The following PDZRN4 variants were observed in gnomAD, a reference collection of about 807,000 sequenced individuals.
PDZRN4 encodes the protein PDZ domain containing ring finger 4.
Under a neutral mutation model 99.0 loss-of-function variants are expected in PDZRN4, and 70 were observed. The ratio of observed to expected loss-of-function variants is 0.71; its 90% CI spans 0.58 to 0.86. PDZRN4 has a LOEUF of 0.86. Ranked by LOEUF, PDZRN4 falls within the 40% of genes least tolerant of loss-of-function variation. The pLI is 0.00. For synonymous variants in PDZRN4, 551 were observed against 501.6 expected, an observed-to-expected ratio of 1.10 and a Z score of -1.32; for missense variants, 1,474 against 1,331.2, an observed-to-expected ratio of 1.11 and a Z score of -1.67.
At chr12:41,443,266 A>C (rs1952696536) in intron 3 of PDZRN4, among the ~76,000 whole-genome samples, 1 of 152,062 alleles carries the variant, frequency 6.6e-6, no homozygotes, top group African/African-American at 2.4e-5. Context: ...GGTGCTGCTC[A>C]GCATGATGGG....
chr12:41,215,945 T>C (rs1950918373), intron 3 of PDZRN4, among the ~76,000 whole-genome samples: 1 of 152,010 alleles, frequency 6.6e-6, no homozygotes, highest in Non-Finnish European at 1.5e-5. Context: ...GAAAGCATTT[T>C]GTAAATCATA....
At chr12:41,554,980 G>A (rs1456533344) in intron 6 of PDZRN4, among the ~76,000 whole-genome samples, 3 of 150,674 alleles carry the variant, frequency 2.0e-5, no homozygotes, top group South Asian at 2.1e-4. Context: ...AGGCCAAGGC[G>A]GGCGGATCAC....
chr12:41,264,096 C>T (rs542183324), intron 3 of PDZRN4, among the ~76,000 whole-genome samples: 198 of 152,198 alleles, frequency 1.3e-3, no homozygotes, highest in African/African-American at 4.5e-3. Flanking sequence ...AGAGAAAAAA[C>T]CTATGGAAAT....
intron 3 of PDZRN4, among the ~76,000 whole-genome samples, chr12:41,236,574 G>T (rs1483455161): frequency 6.6e-6 from 1 of 152,114 alleles, no homozygotes; most frequent in Non-Finnish European, 1.5e-5. Context: ...AGAAAGGTCA[G>T]TTAGGAGGCC....
intron 3 of PDZRN4, among the ~76,000 whole-genome samples, chr12:41,388,504 T>A (rs1311236778): frequency 6.6e-6 from 1 of 152,198 alleles, no homozygotes; most frequent in Non-Finnish European, 1.5e-5. Flanking sequence ...CTGGAGGATT[T>A]TGAGCAAATC....
At chr12:41,508,184 A>C (rs909148910) in intron 4 of PDZRN4, among the ~76,000 whole-genome samples, 1 of 152,156 alleles carries the variant, frequency 6.6e-6, no homozygotes, top group Non-Finnish European at 1.5e-5. Flanking sequence ...GGCCAAGATC[A>C]CATAGCAAAA....
chr12:41,572,501 C>T lies in PDZRN4; in HGVS notation c.1722C>T (p.Ala574=), dbSNP rs775182732. The change falls in exon 10 of 10, where the codon GCC becomes GCT. Residue 574 remains alanine, a synonymous_variant. Transcript: ENST00000402685. ...NDESSEQENA[A]EDPNSTSLKS... is the part of the protein sequence containing the mutation. The stretch of plus-strand genomic sequence containing the variant: ...AGAGCTCAGAGCAGGAGAATGCAGC[C>T]GAGGACCCCAATAGCACATCTTTGA... 38 of 1,613,946 alleles carry T rather than the reference C, an allele frequency of 2.4e-5. 1 individual carries two copies. In the Middle Eastern group the frequency reaches 9.9e-4, roughly 42 times the overall value.
At chr12:41,229,269 G>A (rs1286433791) in intron 3 of PDZRN4, among the ~76,000 whole-genome samples, 1 of 151,676 alleles carries the variant, frequency 6.6e-6, no homozygotes, top group Non-Finnish European at 1.5e-5. Context: ...GCTCACTATG[G>A]CACACCCCAG....
intron 3 of PDZRN4, among the ~76,000 whole-genome samples, chr12:41,504,283 A>AAAAT (rs143362797): frequency 2.0e-5 from 3 of 152,030 alleles, no homozygotes; most frequent in African/African-American, 7.3e-5. Flanking sequence ...ATAAAAAATA[A>AAAAT]AAATAAATAA....
In PDZRN4 at chr12:41,552,648, T is replaced by A. The variant is rs1270666962; in HGVS notation, c.1204-8T>A. On this transcript the variant is annotated splice_polypyrimidine_tract_variant and splice_region_variant and intron_variant, in intron 5 of 9. Transcript: ENST00000402685. Reference sequence around the variant, plus strand: ...CATAAATGTCATCTGTGTGTGTTGTTCTTTCAGGAGGTCGAGTTGTGTCGT... The same window carrying A: ...CATAAATGTCATCTGTGTGTGTTGTACTTTCAGGAGGTCGAGTTGTGTCGT... 47 of 1,607,016 alleles carry A rather than the reference T, an allele frequency of 2.9e-5. No individual in the cohort carries two copies. The highest frequency in any genetic ancestry group is 3.8e-5 in the Non-Finnish European group (45 of 1,173,734).
chr12:41,546,174 T>C (rs1222814337), intron 5 of PDZRN4, among the ~76,000 whole-genome samples: 2 of 152,202 alleles, frequency 1.3e-5, no homozygotes, highest in Non-Finnish European at 2.9e-5. Context: ...GCATCCCCTC[T>C]GGGACCATGT....
chr12:41,530,501 A>T (rs1480772376), intron 5 of PDZRN4, among the ~76,000 whole-genome samples: 1 of 152,158 alleles, frequency 6.6e-6, no homozygotes, highest in Non-Finnish European at 1.5e-5. Context: ...ACATTTTTTA[A>T]AATGGTGCAG....
chr12:41,496,962 G>A (rs2120646865), intron 3 of PDZRN4, among the ~76,000 whole-genome samples: 1 of 152,164 alleles, frequency 6.6e-6, no homozygotes, highest in East Asian at 1.9e-4. Context: ...CTCTGGTGAA[G>A]ATACTTTACC....
chr12:41,389,390 A>T (rs2121115619), intron 3 of PDZRN4, among the ~76,000 whole-genome samples: 1 of 152,262 alleles, frequency 6.6e-6, no homozygotes, highest in East Asian at 1.9e-4. Flanking sequence ...ACAAAAGATG[A>T]TCTGCAAATG....
At chr12:41,346,621 A>T (rs1951857088) in intron 3 of PDZRN4, among the ~76,000 whole-genome samples, 1 of 152,176 alleles carries the variant, frequency 6.6e-6, no homozygotes. Flanking sequence ...CAGATATATC[A>T]GTATTGCTGT....
intron 3 of PDZRN4, among the ~76,000 whole-genome samples, chr12:41,479,533 T>G (rs1937640598): frequency 6.6e-6 from 1 of 152,230 alleles, no homozygotes; most frequent in African/African-American, 2.4e-5. Flanking sequence ...TAAATTGAAG[T>G]AGCAGTTCTC....
intron 3 of PDZRN4, among the ~76,000 whole-genome samples, chr12:41,388,261 G>A (rs1219825786): frequency 6.6e-6 from 1 of 152,148 alleles, no homozygotes; most frequent in Non-Finnish European, 1.5e-5. Flanking sequence ...ATGGAGGGTG[G>A]TTGGAAGGAG....
intron 3 of PDZRN4, among the ~76,000 whole-genome samples, chr12:41,303,396 C>T (rs377004423): frequency 7.9e-5 from 12 of 152,120 alleles, no homozygotes; most frequent in South Asian, 2.1e-4. Context: ...CTACGGGCTT[C>T]GCAGAAGTTT....
intron 3 of PDZRN4, among the ~76,000 whole-genome samples, chr12:41,422,271 G>A (rs186879141): frequency 6.6e-6 from 1 of 152,298 alleles, no homozygotes; most frequent in African/African-American, 2.4e-5. Context: ...TTAGAAGAGA[G>A]TAGTGTGTAT....
Sources: gnomAD v4.1 joint callset for allele counts (sites outside exome capture counted in the v4.1 genomes callset) on GRCh38, gnomAD v4.1.1 for gene constraint, MANE v1.5 for transcripts, NCBI Gene and HGNC (gene_info 2026-07-23, HGNC 2026-07-21) for gene names.